Variants in SUSD1 observed in about 807,000 individuals in gnomAD.
SUSD1 encodes the protein sushi domain-containing protein 1.
In SUSD1, 65 loss-of-function variants were observed where a neutral mutation model predicts 86.9. The observed-to-expected ratio is 0.75, with a 90% CI of 0.61 to 0.92. SUSD1 has a LOEUF of 0.92. Among genes scored for constraint, SUSD1 ranks in the 40% least tolerant of loss-of-function variants. The pLI is 0.00. For synonymous variants in SUSD1, 346 were observed against 350.0 expected, an observed-to-expected ratio of 0.99 and a Z score of 0.13; for missense variants, 850 against 929.7, an observed-to-expected ratio of 0.91 and a Z score of 1.11.
intron 14 of SUSD1, among the ~76,000 whole-genome samples, chr9:112,057,426 A>T (rs1309580811): frequency 1.3e-5 from 2 of 152,220 alleles, no homozygotes; most frequent in Non-Finnish European, 2.9e-5. Context: ...GTCTATGGCT[A>T]AAAACTCCAA....
intron 12 of SUSD1, among the ~76,000 whole-genome samples, chr9:112,070,468 C>T (rs141712797): frequency 6.6e-6 from 1 of 152,312 alleles, no homozygotes; most frequent in Non-Finnish European, 1.5e-5. Context: ...CCTGGGTAGA[C>T]CTGCTCTCCT....
chr9:112,073,837 G>A (rs1829397265), intron 12 of SUSD1, among the ~76,000 whole-genome samples: 2 of 152,012 alleles, frequency 1.3e-5, no homozygotes, highest in Non-Finnish European at 2.9e-5. Context: ...AGGTTGCAGT[G>A]AGTCGAGATC....
chr9:112,060,570 TA>T (rs1253314055), intron 13 of SUSD1, among the ~76,000 whole-genome samples: 2 of 152,242 alleles, frequency 1.3e-5, no homozygotes, highest in African/African-American at 4.8e-5. Context: ...GGGCTGGGAT[TA>T]CAGGCGTAAG....
chr9:112,114,969 A>G (rs1831252435), intron 6 of SUSD1, among the ~76,000 whole-genome samples: 1 of 152,156 alleles, frequency 6.6e-6, no homozygotes, highest in Non-Finnish European at 1.5e-5. Flanking sequence ...TCCCTGTTTT[A>G]CTGCCCTTGT....
intron 12 of SUSD1, among the ~76,000 whole-genome samples, chr9:112,072,932 G>T (rs1191360768): frequency 6.6e-6 from 1 of 152,204 alleles, no homozygotes; most frequent in Non-Finnish European, 1.5e-5. Context: ...GGATAAGTGT[G>T]GTACCTTGGA....
At chr9:112,091,226 C>T (rs559083917) in intron 10 of SUSD1, among the ~76,000 whole-genome samples, 2 of 152,182 alleles carry the variant, frequency 1.3e-5, no homozygotes, top group African/African-American at 4.8e-5. Flanking sequence ...TCTTCAACCA[C>T]AGAATACTGT....
At chr9:112,149,035 C>T (rs970166787) in intron 3 of SUSD1, among the ~76,000 whole-genome samples, 1 of 152,030 alleles carries the variant, frequency 6.6e-6, no homozygotes, top group Non-Finnish European at 1.5e-5. Context: ...AGCTTACAGA[C>T]TAAAGGAACA....
intron 6 of SUSD1, among the ~76,000 whole-genome samples, chr9:112,116,617 G>A (rs1442661417): frequency 6.6e-6 from 1 of 152,182 alleles, no homozygotes; most frequent in Non-Finnish European, 1.5e-5. Context: ...TGACTATGTA[G>A]GGAAAAAGTA....
rs1036194308 is a variant in SUSD1 at position 112,173,584 on chromosome 9, G to C, written c.103+1549C>G. On this transcript the variant is annotated intron_variant, in intron 1 of 16. Transcript: ENST00000374270. Reference sequence around the variant, plus strand: ...GGAGTCTGAGCTGGAACTGAAGCTGGAGCTGCAGCCTGAGCCTTGGTTTGA... The same window carrying C: ...GGAGTCTGAGCTGGAACTGAAGCTGCAGCTGCAGCCTGAGCCTTGGTTTGA... 1.8e-5 allele frequency: 7 copies of C among 383,948 alleles called. No individual in the cohort carries two copies. The Admixed American group carries it at 1.8e-4, about 10-fold the overall frequency. The allele number at this position is 383,948 out of a possible 1,614,324, so 23.8% of individuals were successfully genotyped here.
At chr9:112,134,343 G>A (rs1326939860) in intron 5 of SUSD1, among the ~76,000 whole-genome samples, 4 of 152,128 alleles carry the variant, frequency 2.6e-5, no homozygotes, top group Non-Finnish European at 5.9e-5. Context: ...ATTGGATAAA[G>A]AAAATGTGAT....
rs145984403 is a variant in SUSD1, at chr9:112,046,159, A to G, written c.2150-4199T>C. ...ATATATACTCTAAAAATCTGAGTCA[A>G]TCTAATCAAGAGTGCTCACAAGTGT... On this transcript the variant is annotated intron_variant, in intron 15 of 16. Transcript: ENST00000374270. Among the ~76,000 whole-genome samples, 492 of 152,324 alleles carry G rather than the reference A, an allele frequency of 3.2e-3. 3 individuals carry two copies. The highest frequency in any genetic ancestry group is 0.024 in the Middle Eastern group (7 of 294).
chr9:112,093,357 T>C (rs1244230854), intron 10 of SUSD1, among the ~76,000 whole-genome samples: 3 of 152,134 alleles, frequency 2.0e-5, no homozygotes, highest in East Asian at 3.8e-4. Context: ...TGTGCACAGG[T>C]ACAAGGAGCA....
At chr9:112,140,468 A>G (rs1388437381) in intron 5 of SUSD1, among the ~76,000 whole-genome samples, 1 of 151,648 alleles carries the variant, frequency 6.6e-6, no homozygotes, top group African/African-American at 2.4e-5. Context: ...TGAGCCCAGG[A>G]GCACCAGTGC....
intron 5 of SUSD1, among the ~76,000 whole-genome samples, chr9:112,131,504 C>T (rs1017641845): frequency 4.6e-5 from 7 of 152,100 alleles, no homozygotes; most frequent in African/African-American, 1.7e-4. Flanking sequence ...AGAACATGAC[C>T]CTGTCACAGA....
intron 13 of SUSD1, among the ~76,000 whole-genome samples, chr9:112,060,507 G>A (rs1292541223): frequency 6.6e-6 from 1 of 152,122 alleles, no homozygotes; most frequent in Non-Finnish European, 1.5e-5. Flanking sequence ...TCTTTAGCTG[G>A]GGGAAGTTGT....
intron 10 of SUSD1, among the ~76,000 whole-genome samples, chr9:112,081,381 C>G (rs16916643): frequency 6.6e-6 from 1 of 152,098 alleles, no homozygotes; most frequent in Non-Finnish European, 1.5e-5. Context: ...CTGTACAAGT[C>G]ACAAGCTGTA....
At chr9:112,078,769 G>T (rs961831253) in intron 11 of SUSD1, 45 bp from the exon 12 acceptor site, 2 of 1,530,740 alleles carry the variant, frequency 1.3e-6, no homozygotes, top group African/African-American at 2.8e-5. Flanking sequence ...GGCCTAAAAG[G>T]CTTTAGATGC....
At chr9:112,154,270 C>G (rs1451148867) in intron 2 of SUSD1, among the ~76,000 whole-genome samples, 3 of 150,522 alleles carry the variant, frequency 2.0e-5, no homozygotes, top group African/African-American at 7.4e-5. Flanking sequence ...AGGCAGATCA[C>G]TTGAGCCCAG....
At chr9:112,170,736 G>GAC (rs1298493500) in intron 1 of SUSD1, among the ~76,000 whole-genome samples, 3 of 151,044 alleles carry the variant, frequency 2.0e-5, no homozygotes, top group Admixed American at 1.3e-4. Flanking sequence ...GAGAGAGAGA[G>GAC]CCTTGCTCTG....
Sources: allele counts gnomAD v4.1 joint callset (sites outside exome capture counted in the v4.1 genomes callset), GRCh38; gene constraint gnomAD v4.1.1; transcripts MANE v1.5; gene names NCBI Gene and HGNC (gene_info 2026-07-23, HGNC 2026-07-21).